CCDC77: variants seen among roughly 807,000 people sequenced by gnomAD.
CCDC77 encodes coiled-coil domain containing 77, also known as coiled-coil domain-containing protein 77.
A neutral mutation model predicts 66.8 loss-of-function variants in CCDC77; 56 were observed. The ratio of observed to expected loss-of-function variants is 0.84; its 90% confidence interval spans 0.68 to 1.05. CCDC77 has a LOEUF of 1.05. Ranked by LOEUF, CCDC77 falls within the 50% of genes least tolerant of loss-of-function variation. The probability of loss-of-function intolerance (pLI) is 0.00; values close to 1 mark genes in which losing one functional copy is unlikely to be tolerated. For missense variants in CCDC77, 570 were observed against 576.8 expected (o/e 0.99, Z 0.12); for synonymous variants, 196 against 195.2 (o/e 1.00, Z -0.03).
At chr12:398,769 T>G (rs890591575), upstream of CCDC77, among the ~76,000 whole-genome samples, 1 of 151,644 alleles carries the variant, frequency 6.6e-6, no homozygotes, top group African/African-American at 2.4e-5. Flanking sequence ...TTTTTACTTT[T>G]TTTTTTTTGA....
At chr12:400,430 G>A (rs1349060152), upstream of CCDC77, among the ~76,000 whole-genome samples, 1 of 152,134 alleles carries the variant, frequency 6.6e-6, no homozygotes, top group Non-Finnish European at 1.5e-5. Context: ...ATCCTGTCTT[G>A]GCTTTCAACA....
intron 1 of CCDC77, among the ~76,000 whole-genome samples, chr12:404,936 G>T (rs1220911560): frequency 6.6e-6 from 1 of 152,006 alleles, no homozygotes; most frequent in Non-Finnish European, 1.5e-5. Flanking sequence ...TGGTCAGGCT[G>T]GTCTTGAATT....
intron 3 of CCDC77, among the ~76,000 whole-genome samples, chr12:410,645 A>G (rs982134894): frequency 3.4e-5 from 5 of 147,998 alleles, no homozygotes; most frequent in African/African-American, 1.3e-4. Context: ...TCCTGCGTTC[A>G]AGCAATTATT....
intron 5 of CCDC77, among the ~76,000 whole-genome samples, chr12:423,477 G>GTTTTTTTTTTTTGTT (rs1565572179): frequency 4.0e-5 from 1 of 24,958 alleles, no homozygotes; most frequent in African/African-American, 9.6e-5. Flanking sequence ...TGTGTTTTTT[G>GTTTTTTTTTTTTGTT]TGTTTTTTTT....
intron 4 of CCDC77, among the ~76,000 whole-genome samples, chr12:418,250 T>G (rs1361166735): frequency 3.9e-5 from 6 of 152,066 alleles, no homozygotes; most frequent in Admixed American, 3.9e-4. Flanking sequence ...AAGGTGGAGG[T>G]TGCAGTGAGC....
At chr12:407,046 C>T (rs1290337919) in intron 2 of CCDC77, among the ~76,000 whole-genome samples, 1 of 152,276 alleles carries the variant, frequency 6.6e-6, no homozygotes, top group Admixed American at 6.5e-5. Context: ...GTGACTCATG[C>T]CTATAATCCT....
Position 418,558 on chromosome 12 carries a change from G to C in CCDC77, c.335G>C (p.Ser112Thr). The change falls in exon 5 of 13, where the codon AGT becomes ACT. Residue 112 changes from serine to threonine, a missense_variant. Ser to Thr is a moderately conservative substitution (Grantham distance 58). Transcript: ENST00000239830. ...EEIAELQKAL[S>T]DMQVCLFQER... ...ATTGCTGAATTGCAGAAAGCTCTAA[G>C]TGATATGCAGGTCTGCCTCTTCCAG... 6.2e-7 allele frequency: 1 copy of C among 1,613,978 alleles called. No homozygotes were observed.
At chr12:418,952 G>C (rs777897447) in intron 5 of CCDC77, 101 of 254,538 alleles carry the variant, frequency 4.0e-4, no homozygotes, top group Non-Finnish European at 6.4e-4. Context: ...GCCCACCTCA[G>C]CCTCCCGAAG....
At chr12:428,545 T>C in intron 5 of CCDC77, among the ~76,000 whole-genome samples, 1 of 137,074 alleles carries the variant, frequency 7.3e-6, no homozygotes, top group Admixed American at 7.2e-5. Context: ...AAGAATTAGC[T>C]AAGAAGTGCC....
At chr12:394,248 G>A (rs953667606) in intron 1 of CCDC77, among the ~76,000 whole-genome samples, 38 of 152,234 alleles carry the variant, frequency 2.5e-4, no homozygotes, top group Admixed American at 2.1e-3. Context: ...TTATTTCCTC[G>A]AGAAAACCCT....
chr12:425,318 T>C (rs1945507221), intron 5 of CCDC77, among the ~76,000 whole-genome samples: 1 of 150,558 alleles, frequency 6.6e-6, no homozygotes, highest in African/African-American at 2.5e-5. Context: ...TTTCAAATGT[T>C]GTCATTCTCA....
chr12:395,714 C>A (rs949606908), intron 1 of CCDC77, among the ~76,000 whole-genome samples: 1 of 151,704 alleles, frequency 6.6e-6, no homozygotes, highest in Non-Finnish European at 1.5e-5. Flanking sequence ...GCCAACATGG[C>A]GAAGCCCCAT....
intron 5 of CCDC77, among the ~76,000 whole-genome samples, chr12:426,759 T>C (rs1278394844): frequency 6.6e-6 from 1 of 152,168 alleles, no homozygotes; most frequent in East Asian, 1.9e-4. Flanking sequence ...TCACGTTATC[T>C]GGTGTCGGTG....
rs780397607 is a variant in CCDC77, at chr12:428,845, T to G, written c.490T>G (p.Cys164Gly). The change falls in exon 6 of 13, where the codon TGT becomes GGT. Residue 164 changes from cysteine to glycine, a missense_variant. Coordinates refer to ENST00000239830, the MANE Select transcript of CCDC77 (RefSeq NM_032358.4). ...AGATGCTGGAGAAGTGACCTATTTTTGTAAGGAGCCTCCTCACAAAGTAAG... is the reference window on the plus strand; with the variant it reads ...AGATGCTGGAGAAGTGACCTATTTTGGTAAGGAGCCTCCTCACAAAGTAAG... ...GTDAGEVTYF[C>G]KEPPHKVTIL... 1.1e-5 allele frequency: 18 copies of G among 1,611,088 alleles called. No homozygotes were observed. In the South Asian group the frequency reaches 2.0e-4, roughly 18 times the overall value.
In CCDC77 at chr12:407,211, T is replaced by G. The variant is rs544805638; in HGVS notation, c.-17+1647T>G. ...GCATAGGTGATAAGTAGTTGTCAGA[T>G]TCTAGATATTTGGATGAGCTAGCCA... On this transcript the variant is annotated intron_variant, in intron 2 of 12. Transcript: ENST00000239830. 1.4e-4 allele frequency among the ~76,000 whole-genome samples: 21 copies of G among 152,302 alleles called. 1 individual carries two copies. Among genetic ancestry groups the G allele is most frequent in the African/African-American group, 5.1e-4 (21 of 41,556 alleles).
chr12:394,993 A>C (rs1944807560), intron 1 of CCDC77: 1 of 152,244 alleles, frequency 6.6e-6, no homozygotes, highest in Non-Finnish European at 1.5e-5. Context: ...ATACTATTTT[A>C]GTGATGATAA....
intron 5 of CCDC77, among the ~76,000 whole-genome samples, chr12:419,068 G>A (rs1945342331): frequency 6.6e-6 from 1 of 152,176 alleles, no homozygotes; most frequent in African/African-American, 2.4e-5. Context: ...CTAGGAAGTG[G>A]ACTCTGAGAT....
intron 5 of CCDC77, among the ~76,000 whole-genome samples, chr12:426,978 C>G (rs1300275015): frequency 6.6e-6 from 1 of 152,022 alleles, no homozygotes; most frequent in Non-Finnish European, 1.5e-5. Context: ...TTAAAACTGA[C>G]TTGGGGCTGG....
At chr12:395,875 C>CA (rs1297849502) in intron 1 of CCDC77, among the ~76,000 whole-genome samples, 2 of 151,984 alleles carry the variant, frequency 1.3e-5, no homozygotes, top group Non-Finnish European at 2.9e-5. Context: ...GCCTGGGCGA[C>CA]AGAGTGAGAC....
Sources: gnomAD v4.1 joint callset for allele counts (sites outside exome capture counted in the v4.1 genomes callset) on GRCh38, gnomAD v4.1.1 for gene constraint, MANE v1.5 for transcripts, NCBI Gene and HGNC (gene_info 2026-07-23, HGNC 2026-07-21) for gene names.